The following PCDH7 variants were observed in gnomAD, a reference collection of about 807,000 sequenced individuals.
PCDH7 encodes protocadherin-7.
In PCDH7, 17 loss-of-function variants were observed where a neutral mutation model predicts 58.9. The observed-to-expected ratio is 0.29, with a 90% CI of 0.20 to 0.43. PCDH7 has a LOEUF of 0.43. Ranked by LOEUF, PCDH7 falls within the 20% of genes least tolerant of loss-of-function variation. PCDH7 has a pLI of 1.00. For synonymous variants in PCDH7, 664 were observed against 616.4 expected (o/e 1.08, Z -1.14); for missense variants, 1,274 against 1,441.0 (o/e 0.88, Z 1.88).
chr4:30,931,067 T>C (rs1004901678), intron 2 of PCDH7, among the ~76,000 whole-genome samples: 2 of 152,154 alleles, frequency 1.3e-5, no homozygotes, highest in Non-Finnish European at 2.9e-5. Flanking sequence ...GAGATGAAGA[T>C]AAAGAAGTAG....
At chr4:30,954,281 T>C (rs1747634200) in intron 3 of PCDH7, among the ~76,000 whole-genome samples, 1 of 152,190 alleles carries the variant, frequency 6.6e-6, no homozygotes, top group Non-Finnish European at 1.5e-5. Flanking sequence ...TTGCTGACCC[T>C]ACCCAAGACT....
chr4:30,803,440 C>T (rs1725788890), intron 1 of PCDH7, among the ~76,000 whole-genome samples: 2 of 150,818 alleles, frequency 1.3e-5, no homozygotes, highest in Admixed American at 6.6e-5. Context: ...TATTCAAGTG[C>T]ATTTTTTTTT....
chr4:31,135,936 T>TG (rs1719547837), intron 3 of PCDH7, among the ~76,000 whole-genome samples: 1 of 152,210 alleles, frequency 6.6e-6, no homozygotes, highest in African/African-American at 2.4e-5. Flanking sequence ...GCTTACTGCA[T>TG]GTCAAAAATT....
At chr4:30,863,884 A>G (rs2109356398) in intron 1 of PCDH7, among the ~76,000 whole-genome samples, 1 of 152,260 alleles carries the variant, frequency 6.6e-6, no homozygotes, top group Non-Finnish European at 1.5e-5. Context: ...TTCCTGAAGC[A>G]TACATCTGCT....
At chr4:31,080,835 A>G (rs1255430135) in intron 3 of PCDH7, among the ~76,000 whole-genome samples, 2 of 152,172 alleles carry the variant, frequency 1.3e-5, no homozygotes, top group East Asian at 1.9e-4. Flanking sequence ...GGAGGGGCCA[A>G]TGGGAGATAA....
intron 1 of PCDH7, among the ~76,000 whole-genome samples, chr4:30,839,633 T>C (rs983081505): frequency 1.3e-5 from 2 of 152,090 alleles, no homozygotes; most frequent in African/African-American, 4.8e-5. Flanking sequence ...GGTTTTCAGC[T>C]TCACTGTCTG....
At chr4:30,888,481 G>T (rs148968029) in intron 1 of PCDH7, among the ~76,000 whole-genome samples, 207 of 152,260 alleles carry the variant, frequency 1.4e-3, no homozygotes, top group African/African-American at 4.7e-3. Context: ...GACTAGAAGA[G>T]ATATAGCAAT....
At chr4:31,047,313 C>G (rs944459442) in intron 3 of PCDH7, among the ~76,000 whole-genome samples, 9 of 152,070 alleles carry the variant, frequency 5.9e-5, no homozygotes, top group Non-Finnish European at 1.3e-4. Flanking sequence ...TACCCTATAG[C>G]ATGATTGACA....
chr4:30,996,802 T>C (rs1014675195), intron 3 of PCDH7, among the ~76,000 whole-genome samples: 1 of 152,176 alleles, frequency 6.6e-6, no homozygotes, highest in Non-Finnish European at 1.5e-5. Flanking sequence ...GCCATTGAGT[T>C]TTTTCTTTTA....
chr4:30,723,751 G>A lies in PCDH7; in HGVS notation c.2329G>A (p.Ala777Thr). 1 of 1,614,152 alleles carries A rather than the reference G, an allele frequency of 6.2e-7. No individual in the cohort carries two copies. Among genetic ancestry groups the A allele is most frequent in the Non-Finnish European group, 8.5e-7 (1 of 1,180,032 alleles). The change falls in exon 1 of 2, where the codon GCA becomes ACA. Residue 777 changes from alanine to threonine, a missense_variant. Around this residue, in one of 3 missense-constraint regions of PCDH7, gnomAD observed 731 missense variants for 881.9 expected, o/e 0.83. Coordinates refer to ENST00000361762, the Ensembl canonical transcript of PCDH7. This position sits in a 1 kb window ranked among gnomAD's most constrained non-coding sequence, Gnocchi z 4.6. ...AACAGACAGTGATGATGGCATCAAT[G>A]CAGACCTGAACTACAGCATTGTGGG...
intron 3 of PCDH7, among the ~76,000 whole-genome samples, chr4:30,974,355 A>G (rs12330995): frequency 0.015 from 2,316 of 151,946 alleles, 51 homozygotes; most frequent in African/African-American, 0.052. Flanking sequence ...CCTCACAAAG[A>G]CAATACTTCC....
Position 30,810,157 on chromosome 4 carries a change from T to A in PCDH7, c.70+85561T>A, listed in dbSNP as rs568429158. The stretch of plus-strand genomic sequence containing the variant: ...CAGGATTAGAATTCTCTCTCGTATG[T>A]TCCATTAGCACAGATGTTCACTTCT... On this transcript the variant is annotated intron_variant, in intron 1 of 3. Coordinates refer to the PCDH7 transcript ENST00000509759. 3.3e-5 allele frequency among the ~76,000 whole-genome samples: 5 copies of A among 152,322 alleles called. No homozygotes were observed. The South Asian group carries it at 6.2e-4, about 19-fold the overall frequency.
chr4:31,109,300 A>G (rs1715992048), intron 3 of PCDH7, among the ~76,000 whole-genome samples: 1 of 152,246 alleles, frequency 6.6e-6, no homozygotes, highest in African/African-American at 2.4e-5. Context: ...GCAATCTACC[A>G]TGATGACTAT....
intron 3 of PCDH7, among the ~76,000 whole-genome samples, chr4:31,064,336 T>C (rs1311390445): frequency 3.3e-5 from 5 of 151,964 alleles, no homozygotes; most frequent in Non-Finnish European, 5.9e-5. Flanking sequence ...TGTCCATGCG[T>C]TGTCATTGTG....
At chr4:31,078,671 A>G in intron 3 of PCDH7, among the ~76,000 whole-genome samples, 1 of 116,254 alleles carries the variant, frequency 8.6e-6, no homozygotes, top group South Asian at 2.9e-4. Context: ...TTTTGCAATC[A>G]AACATCCTAA....
intron 3 of PCDH7, among the ~76,000 whole-genome samples, chr4:31,025,955 G>A (rs1378072113): frequency 6.6e-6 from 1 of 152,106 alleles, no homozygotes; most frequent in Non-Finnish European, 1.5e-5. Flanking sequence ...AGACTCAAAC[G>A]TTTTTAGACA....
At chr4:30,950,418 A>T (rs1346783287) in intron 3 of PCDH7, among the ~76,000 whole-genome samples, 1 of 152,170 alleles carries the variant, frequency 6.6e-6, no homozygotes, top group Non-Finnish European at 1.5e-5. Flanking sequence ...CAATGTATAG[A>T]GTTTAGAAGA....
chr4:30,882,760 A>T (rs1737151551), intron 1 of PCDH7, among the ~76,000 whole-genome samples: 1 of 152,240 alleles, frequency 6.6e-6, no homozygotes, highest in Non-Finnish European at 1.5e-5. Context: ...TAGGGAAGTC[A>T]CTGCCTTAGC....
At chr4:31,089,813 C>T (rs1261506739) in intron 3 of PCDH7, among the ~76,000 whole-genome samples, 2 of 152,026 alleles carry the variant, frequency 1.3e-5, no homozygotes, top group Non-Finnish European at 2.9e-5. Flanking sequence ...AACTAACTCT[C>T]GAAGTATTAC....
Sources: allele counts gnomAD v4.1 joint callset (sites outside exome capture counted in the v4.1 genomes callset), GRCh38; gene constraint gnomAD v4.1.1; regional missense constraint gnomAD v4.1.1; non-coding constraint Gnocchi (gnomAD v3.1); transcripts MANE v1.5; gene names NCBI Gene and HGNC (gene_info 2026-07-23, HGNC 2026-07-21).